Variants in GRID2 observed in about 807,000 individuals in gnomAD.
GRID2 encodes the protein glutamate receptor ionotropic, delta-2.
GRID2 carries 33 observed loss-of-function variants against 114.8 expected under a neutral mutation model. That is an observed-to-expected ratio of 0.29 (90% CI 0.22 to 0.38). The LOEUF is 0.38. Among genes scored for constraint, GRID2 ranks in the 10% least tolerant of loss-of-function variants. The pLI is 1.00. For synonymous variants in GRID2, 505 were observed against 449.9 expected, an observed-to-expected ratio of 1.12 and a Z score of -1.55; for missense variants, 1,184 against 1,257.7, an observed-to-expected ratio of 0.94 and a Z score of 0.89.
chr4:92,784,229 A>T (rs1739217083), intron 2 of GRID2, among the ~76,000 whole-genome samples: 2 of 152,090 alleles, frequency 1.3e-5, no homozygotes, highest in Admixed American at 6.6e-5. Flanking sequence ...GTCTCAAAAA[A>T]TTTAAAACAT....
intron 4 of GRID2, among the ~76,000 whole-genome samples, chr4:93,169,665 A>G (rs1489578534): frequency 6.6e-6 from 1 of 152,222 alleles, no homozygotes; most frequent in African/African-American, 2.4e-5. Flanking sequence ...ATAATTTACA[A>G]GATTGAAGTG....
chr4:93,424,943 T>C (rs576066700), intron 10 of GRID2, among the ~76,000 whole-genome samples: 2 of 152,282 alleles, frequency 1.3e-5, no homozygotes, highest in Admixed American at 1.3e-4. Context: ...CTTCAAATTT[T>C]TGTTAAGTCC....
chr4:92,370,756 A>T (rs1056682013), intron 1 of GRID2, among the ~76,000 whole-genome samples: 3 of 152,150 alleles, frequency 2.0e-5, no homozygotes, highest in Admixed American at 6.6e-5. Context: ...ATACATTTTG[A>T]GTTGATTTTT....
In GRID2 at chr4:93,216,881, T is replaced by C; in HGVS notation, c.933T>C (p.Asp311=). ...ATCGAATATCTTCAACATTGTGTGA[T>C]CCAAAGGATCCATTTGCTCAGAATA... The part of the protein sequence containing the change: ...GNHRISSTLC[D]PKDPFAQNME... The change falls in exon 6 of 16, where the codon GAT becomes GAC. Residue 311 remains aspartate (D), a synonymous_variant. Transcript: ENST00000282020. The C allele has an allele frequency of 6.2e-7, 1 of 1,612,916 alleles. No homozygotes were observed. Among genetic ancestry groups the C allele is most frequent in the Non-Finnish European group, 8.5e-7 (1 of 1,179,036 alleles).
At chr4:92,712,516 C>G (rs1036077465) in intron 2 of GRID2, among the ~76,000 whole-genome samples, 1 of 151,912 alleles carries the variant, frequency 6.6e-6, no homozygotes, top group African/African-American at 2.4e-5. Context: ...CTAATTATAG[C>G]GAAATTCCAG....
intron 14 of GRID2, among the ~76,000 whole-genome samples, chr4:93,713,324 A>G (rs192761807): frequency 1.2e-4 from 19 of 152,218 alleles, no homozygotes; most frequent in Admixed American, 2.6e-4. Context: ...TTAAAGTCTT[A>G]TCCTGACAGT....
intron 8 of GRID2, among the ~76,000 whole-genome samples, chr4:93,312,611 A>T (rs1756137349): frequency 6.6e-6 from 1 of 152,220 alleles, no homozygotes; most frequent in African/African-American, 2.4e-5. Flanking sequence ...ACCTGAAATG[A>T]CTATTTCAAA....
intron 2 of GRID2, among the ~76,000 whole-genome samples, chr4:92,751,075 A>T (rs1737433807): frequency 6.6e-6 from 1 of 152,160 alleles, no homozygotes; most frequent in South Asian, 2.1e-4. Context: ...CAAAGCAAAC[A>T]TAGAGACCAT....
intron 11 of GRID2, among the ~76,000 whole-genome samples, chr4:93,474,990 A>C (rs1725187115): frequency 6.6e-6 from 1 of 152,036 alleles, no homozygotes; most frequent in Admixed American, 6.6e-5. Flanking sequence ...GAGTTTAATA[A>C]GTTTTTTGTT....
intron 13 of GRID2, among the ~76,000 whole-genome samples, chr4:93,572,473 C>T (rs954268625): frequency 1.3e-5 from 2 of 151,996 alleles, no homozygotes; most frequent in Non-Finnish European, 2.9e-5. Context: ...TTAGAGACCT[C>T]ATTATATTAT....
intron 13 of GRID2, among the ~76,000 whole-genome samples, chr4:93,617,481 CT>C (rs1741794534): frequency 6.6e-6 from 1 of 152,158 alleles, no homozygotes; most frequent in Non-Finnish European, 1.5e-5. Context: ...TTGCAAATTT[CT>C]TTTCTGCAGA....
chr4:93,791,401 G>T (rs910116052), intron 1 of GRID2, among the ~76,000 whole-genome samples: 5 of 152,114 alleles, frequency 3.3e-5, no homozygotes, highest in Admixed American at 6.5e-5. Flanking sequence ...ATTATAAAAA[G>T]GTCATATCCA....
chr4:92,920,370 G>T (rs764976985), intron 2 of GRID2, among the ~76,000 whole-genome samples: 5 of 152,286 alleles, frequency 3.3e-5, no homozygotes, highest in Non-Finnish European at 4.4e-5. Context: ...ATTGTTATGT[G>T]TGAATTTGAT....
chr4:93,364,199 A>C (rs1372615325), intron 8 of GRID2, among the ~76,000 whole-genome samples: 1 of 152,152 alleles, frequency 6.6e-6, no homozygotes, highest in African/African-American at 2.4e-5. Context: ...TAAAAATCTG[A>C]AACTAGTGCT....
intron 10 of GRID2, among the ~76,000 whole-genome samples, chr4:93,427,526 A>G (rs951853961): frequency 3.3e-5 from 5 of 152,024 alleles, no homozygotes; most frequent in Admixed American, 3.3e-4. Context: ...TATATATCAT[A>G]ATGATTATGC....
intron 1 of GRID2, among the ~76,000 whole-genome samples, chr4:93,782,734 AT>A (rs1319846675): frequency 2.6e-5 from 4 of 152,238 alleles, no homozygotes; most frequent in African/African-American, 7.2e-5. Context: ...TAAGAAAAAA[AT>A]ATCGTATATC....
chr4:93,208,462 G>A (rs1018909242), intron 5 of GRID2, among the ~76,000 whole-genome samples: 30 of 151,854 alleles, frequency 2.0e-4, no homozygotes, highest in African/African-American at 7.2e-4. Context: ...CACAAGAATG[G>A]TACTGCGATA....
At chr4:93,292,906 G>C (rs1753896479) in intron 8 of GRID2, among the ~76,000 whole-genome samples, 1 of 152,100 alleles carries the variant, frequency 6.6e-6, no homozygotes, top group Non-Finnish European at 1.5e-5. Context: ...AAAACAGACG[G>C]TTGGTGTGAT....
chr4:93,526,766 G>A (rs2870725), intron 13 of GRID2, among the ~76,000 whole-genome samples: 36,244 of 152,092 alleles, frequency 0.24, 4,615 homozygotes, highest in Middle Eastern at 0.35. Flanking sequence ...CTGAGATTGC[G>A]CCATTGCACT....
Sources: allele counts gnomAD v4.1 joint callset (sites outside exome capture counted in the v4.1 genomes callset), GRCh38; gene constraint gnomAD v4.1.1; transcripts MANE v1.5; gene names NCBI Gene and HGNC (gene_info 2026-07-23, HGNC 2026-07-21).